The following SOX5 variants were observed in gnomAD, a reference collection of about 807,000 sequenced individuals.
The protein encoded by SOX5 is transcription factor SOX-5.
Under a neutral mutation model 92.0 loss-of-function variants are expected in SOX5, and 9 were observed. The ratio of observed to expected loss-of-function variants is 0.10; its 90% CI spans 0.06 to 0.17. The LOEUF (loss-of-function observed/expected upper bound fraction) is 0.17, where lower values mean the gene tolerates loss of function less well. Ranked by LOEUF, SOX5 falls within the 10% of genes least tolerant of loss-of-function variation. The pLI is 1.00. For synonymous variants in SOX5, 344 were observed against 336.3 expected, an observed-to-expected ratio of 1.02 and a Z score of -0.25; for missense variants, 642 against 944.5, an observed-to-expected ratio of 0.68 and a Z score of 4.20.
At chr12:23,947,813 C>A (rs1038317175) in intron 1 of SOX5, among the ~76,000 whole-genome samples, 1 of 151,008 alleles carries the variant, frequency 6.6e-6, no homozygotes, top group South Asian at 2.1e-4. Flanking sequence ...AAAAAAAATA[C>A]AAATAAAGTT....
intron 4 of SOX5, among the ~76,000 whole-genome samples, chr12:24,209,221 CTT>C (rs1253464593): frequency 6.6e-6 from 1 of 152,122 alleles, no homozygotes; most frequent in Non-Finnish European, 1.5e-5. Context: ...GGAACTAACT[CTT>C]ATGGGAGTGG....
intron 13 of SOX5, among the ~76,000 whole-genome samples, chr12:23,541,831 C>T (rs183096247): frequency 6.6e-6 from 1 of 152,294 alleles, no homozygotes; most frequent in Admixed American, 6.5e-5. Flanking sequence ...AAACATACGG[C>T]CGGGCGTGGT....
chr12:24,177,059 A>T (rs931102291), intron 4 of SOX5, among the ~76,000 whole-genome samples: 13 of 151,414 alleles, frequency 8.6e-5, no homozygotes, highest in Admixed American at 4.6e-4. Flanking sequence ...CTTTATTCAA[A>T]TCCATGTTGT....
At chr12:23,672,231 A>AC (rs2084906591) in intron 6 of SOX5, among the ~76,000 whole-genome samples, 1 of 152,102 alleles carries the variant, frequency 6.6e-6, no homozygotes, top group African/African-American at 2.4e-5. Context: ...ATCCCCCTGT[A>AC]TTCCTACCCC....
At chr12:24,187,562 T>C (rs1486962235) in intron 4 of SOX5, among the ~76,000 whole-genome samples, 1 of 152,190 alleles carries the variant, frequency 6.6e-6, no homozygotes, top group Non-Finnish European at 1.5e-5. Context: ...TACATATTAG[T>C]TTAAATTTAC....
At chr12:24,248,137 T>C (rs1939264575) in intron 3 of SOX5, among the ~76,000 whole-genome samples, 1 of 152,342 alleles carries the variant, frequency 6.6e-6, no homozygotes, top group Admixed American at 6.5e-5. Context: ...TGAGTCTCTC[T>C]ATTAAGGGAG....
chr12:23,993,161 C>G (rs557498122), intron 4 of SOX5, among the ~76,000 whole-genome samples: 95 of 152,260 alleles, frequency 6.2e-4, no homozygotes, highest in Middle Eastern at 3.4e-3. Context: ...AGATCTCAGA[C>G]AGTTGACACT....
At chr12:24,542,219 C>T (rs1952197260) in intron 1 of SOX5, among the ~76,000 whole-genome samples, 1 of 152,174 alleles carries the variant, frequency 6.6e-6, no homozygotes, top group Non-Finnish European at 1.5e-5. Context: ...GATCCCTTAA[C>T]AGTCCAAGCT....
intron 2 of SOX5, among the ~76,000 whole-genome samples, chr12:24,296,930 GACACACACAC>G (rs34848004): frequency 1.4e-5 from 2 of 148,090 alleles, no homozygotes; most frequent in African/African-American, 2.5e-5. Flanking sequence ...TAGACAGACA[GACACACACAC>G]ACACACACAC....
Position 24,218,558 on chromosome 12 carries a change from G to A in SOX5, c.-76-5141C>T, listed in dbSNP as rs552006974. Among the ~76,000 whole-genome samples, 11 of 152,144 alleles carry A rather than the reference G, an allele frequency of 7.2e-5. No individual in the cohort carries two copies. In the South Asian group the frequency reaches 2.3e-3, roughly 32 times the overall value. The stretch of plus-strand genomic sequence containing the variant: ...GGAAATATTTTAAAATTGGGTAGTG[G>A]TGACACTGAATAATCCATGAACTCA... On this transcript the variant is annotated intron_variant, in intron 3 of 4. Coordinates refer to the SOX5 transcript ENST00000446891.
intron 1 of SOX5, among the ~76,000 whole-genome samples, chr12:24,397,765 C>G (rs1323465897): frequency 6.6e-6 from 1 of 151,970 alleles, no homozygotes; most frequent in African/African-American, 2.4e-5. Flanking sequence ...CTGACCACAA[C>G]TCTTTAATGC....
chr12:23,669,480 C>T (rs1012333589), intron 6 of SOX5, among the ~76,000 whole-genome samples: 33 of 151,880 alleles, frequency 2.2e-4, no homozygotes, highest in Admixed American at 1.6e-3. Flanking sequence ...CTAGAGATTT[C>T]CCCTGTAGGC....
chr12:24,212,260 A>C (rs1222864189), intron 4 of SOX5, among the ~76,000 whole-genome samples: 1 of 152,240 alleles, frequency 6.6e-6, no homozygotes, highest in African/African-American at 2.4e-5. Context: ...CTAATGTCCT[A>C]ATGTTCATGC....
Position 24,370,663 on chromosome 12 carries a change from G to A in SOX5, c.-250-2024C>T, listed in dbSNP as rs1253548883. ...GAAAATTAGCCAGGCGTGGGGGCACGCGCGTGTAGTCCCAGCTACTCGGGA... is the reference window on the plus strand; with the variant it reads ...GAAAATTAGCCAGGCGTGGGGGCACACGCGTGTAGTCCCAGCTACTCGGGA... On this transcript the variant is annotated intron_variant, in intron 1 of 4. Transcript: ENST00000446891. Among the ~76,000 whole-genome samples the A allele has an allele frequency of 3.9e-5, 6 of 152,058 alleles. No homozygotes were observed. In the East Asian group the frequency reaches 7.8e-4, roughly 20 times the overall value.
At chr12:24,099,245 T>C (rs544677007) in intron 4 of SOX5, among the ~76,000 whole-genome samples, 1 of 152,320 alleles carries the variant, frequency 6.6e-6, no homozygotes, top group Admixed American at 6.5e-5. Context: ...CTTGGAATTG[T>C]TGGCCCTACC....
intron 4 of SOX5, among the ~76,000 whole-genome samples, chr12:24,077,781 A>G (rs1360276613): frequency 1.6e-5 from 2 of 126,036 alleles, no homozygotes; most frequent in Non-Finnish European, 3.5e-5. Context: ...TCATATATAT[A>G]TATATATATA....
chr12:24,386,887 G>GA (rs879510225), intron 1 of SOX5, among the ~76,000 whole-genome samples: 2 of 152,062 alleles, frequency 1.3e-5, no homozygotes, highest in Admixed American at 6.5e-5. Flanking sequence ...TGAAGGTCCA[G>GA]AAAAAAAGAT....
intron 1 of SOX5, among the ~76,000 whole-genome samples, chr12:24,388,552 C>A (rs972598811): frequency 3.9e-5 from 6 of 152,126 alleles, no homozygotes; most frequent in Non-Finnish European, 8.8e-5. Flanking sequence ...CTATCATTAT[C>A]CCCAGAGTAG....
intron 4 of SOX5, among the ~76,000 whole-genome samples, chr12:24,185,118 A>G (rs895354659): frequency 3.3e-5 from 5 of 152,142 alleles, no homozygotes; most frequent in African/African-American, 9.7e-5. Context: ...CTCACTTACC[A>G]TTATAATGGG....
Sources: allele counts gnomAD v4.1 joint callset (sites outside exome capture counted in the v4.1 genomes callset), GRCh38; gene constraint gnomAD v4.1.1; transcripts MANE v1.5; gene names NCBI Gene and HGNC (gene_info 2026-07-23, HGNC 2026-07-21).